The following KAZN variants were observed in gnomAD, a reference collection of about 807,000 sequenced individuals.
KAZN encodes kazrin, periplakin interacting protein, also known as kazrin.
KAZN carries 40 observed loss-of-function variants against 87.4 expected under a neutral mutation model. The observed-to-expected ratio is 0.46, with a 90% CI of 0.36 to 0.60. The LOEUF (loss-of-function observed/expected upper bound fraction) is 0.60. KAZN is among the 20% of genes least tolerant of loss of function. The pLI is 0.00. For synonymous variants in KAZN, 466 were observed against 458.3 expected (o/e 1.02, Z -0.22); for missense variants, 898 against 1,073.9 (o/e 0.84, Z 2.29).
chr1:14,231,955 A>G (rs1447510879), intron 2 of KAZN, among the ~76,000 whole-genome samples: 1 of 152,060 alleles, frequency 6.6e-6, no homozygotes, highest in Non-Finnish European at 1.5e-5. Flanking sequence ...AGCTTAAGGG[A>G]AGGGTCTGGG....
intron 1 of KAZN, among the ~76,000 whole-genome samples, chr1:14,013,320 G>A (rs564481621): frequency 9.2e-5 from 14 of 152,262 alleles, no homozygotes; most frequent in African/African-American, 3.1e-4. Flanking sequence ...GTTGTTCCTC[G>A]ATCTAGGTTT....
rs891065203 is a variant in KAZN, at chr1:14,570,090, G to A, written c.250-28893G>A. Among the ~76,000 whole-genome samples the A allele has an allele frequency of 7.2e-5, 11 of 152,168 alleles. No individual in the cohort carries two copies. The East Asian group carries it at 1.7e-3, about 24-fold the overall frequency. On this transcript the variant is annotated intron_variant, in intron 2 of 16. Coordinates refer to the KAZN transcript ENST00000636203. The stretch of plus-strand genomic sequence containing the variant: ...ACTGCACCACGGCACTCCAGCCTGG[G>A]TGACAGAGCGAGACTCCGTCTCAAA...
chr1:14,373,493 G>A (rs1244824753), intron 2 of KAZN, among the ~76,000 whole-genome samples: 1 of 152,098 alleles, frequency 6.6e-6, no homozygotes, highest in Non-Finnish European at 1.5e-5. Context: ...CTCACTTTGG[G>A]AAGGGCAAAC....
intron 1 of KAZN, among the ~76,000 whole-genome samples, chr1:14,792,974 C>CA (rs1338876410): frequency 0.28 from 30,180 of 108,712 alleles, 4,025 homozygotes; most frequent in Middle Eastern, 0.32. Flanking sequence ...GACTCTGTCT[C>CA]AAAAAAAAAA....
At chr1:15,102,871 C>T (rs1202674808) in intron 11 of KAZN, among the ~76,000 whole-genome samples, 2 of 152,216 alleles carry the variant, frequency 1.3e-5, no homozygotes, top group African/African-American at 2.4e-5. Flanking sequence ...CCCCATGCCA[C>T]GCCGAGGACA....
intron 1 of KAZN, among the ~76,000 whole-genome samples, chr1:13,926,606 AT>A (rs75315918): frequency 0.12 from 18,604 of 151,992 alleles, 1,289 homozygotes; most frequent in East Asian, 0.23. Context: ...ATGAGTAAAA[AT>A]AACCAGGCAA....
At chr1:14,498,119 T>A (rs551567383) in intron 2 of KAZN, among the ~76,000 whole-genome samples, 5 of 152,242 alleles carry the variant, frequency 3.3e-5, no homozygotes, top group Non-Finnish European at 7.3e-5. Flanking sequence ...TGCTCACTGA[T>A]CCCTTCTCCA....
At chr1:14,328,521 G>C (rs1188418318) in intron 2 of KAZN, among the ~76,000 whole-genome samples, 1 of 152,016 alleles carries the variant, frequency 6.6e-6, no homozygotes, top group African/African-American at 2.4e-5. Context: ...GGCTAACACA[G>C]TGAAACCCTG....
At chr1:14,499,451 A>C (rs1670121700) in intron 2 of KAZN, among the ~76,000 whole-genome samples, 1 of 152,142 alleles carries the variant, frequency 6.6e-6, no homozygotes, top group African/African-American at 2.4e-5. Flanking sequence ...ATCCCGTGAC[A>C]ATTGCTGTCC....
intron 1 of KAZN, among the ~76,000 whole-genome samples, chr1:14,110,211 C>T (rs149319185): frequency 1.0e-3 from 158 of 152,288 alleles, no homozygotes; most frequent in African/African-American, 3.0e-3. Context: ...CTGGATGTTC[C>T]GTTTCCTTCA....
chr1:14,320,551 A>G (rs1319436959), intron 2 of KAZN, among the ~76,000 whole-genome samples: 1 of 152,058 alleles, frequency 6.6e-6, no homozygotes, highest in African/African-American at 2.4e-5. Flanking sequence ...TACCCTGTGA[A>G]TTCTGAGACC....
chr1:14,050,641 G>A (rs1054783181), intron 1 of KAZN, among the ~76,000 whole-genome samples: 1 of 152,182 alleles, frequency 6.6e-6, no homozygotes, highest in African/African-American at 2.4e-5. Context: ...GACATGTGGG[G>A]ATTACAATTC....
chr1:14,277,556 C>T (rs796920250), intron 2 of KAZN, among the ~76,000 whole-genome samples: 4 of 151,340 alleles, frequency 2.6e-5, no homozygotes, highest in Admixed American at 1.3e-4. Flanking sequence ...CCCAGCTACT[C>T]GGGAGGCTGA....
intron 2 of KAZN, among the ~76,000 whole-genome samples, chr1:14,389,948 G>C (rs1662274869): frequency 6.6e-6 from 1 of 152,128 alleles, no homozygotes; most frequent in African/African-American, 2.4e-5. Flanking sequence ...TTGCATGCCT[G>C]TATCAAAATA....
chr1:14,805,954 T>C (rs1557509393), intron 1 of KAZN, among the ~76,000 whole-genome samples: 1 of 152,132 alleles, frequency 6.6e-6, no homozygotes, highest in Non-Finnish European at 1.5e-5. Flanking sequence ...AAAGAACAAC[T>C]AGCCTTAATG....
At chr1:15,083,615 C>T (rs1012345622) in intron 8 of KAZN, among the ~76,000 whole-genome samples, 4 of 152,066 alleles carry the variant, frequency 2.6e-5, no homozygotes, top group African/African-American at 4.8e-5. Context: ...ATGTGAACAT[C>T]GGCCTGTCTT....
chr1:14,532,674 G>A (rs902398206), intron 2 of KAZN, among the ~76,000 whole-genome samples: 2 of 130,334 alleles, frequency 1.5e-5, no homozygotes, highest in Admixed American at 9.9e-5. Context: ...CTGTGTCCAT[G>A]TGTTCTCATT....
intron 2 of KAZN, among the ~76,000 whole-genome samples, chr1:14,322,097 A>G (rs16853946): frequency 0.089 from 13,513 of 152,118 alleles, 761 homozygotes; most frequent in East Asian, 0.23. Context: ...GCTTAATCCT[A>G]ACAAACTTGG....
At chr1:15,071,236 T>G (rs995856388) in intron 8 of KAZN, among the ~76,000 whole-genome samples, 2 of 152,056 alleles carry the variant, frequency 1.3e-5, no homozygotes, top group African/African-American at 2.4e-5. Context: ...GATATGGATA[T>G]TTCTCTTTTT....
Sources: allele counts gnomAD v4.1 joint callset (sites outside exome capture counted in the v4.1 genomes callset), GRCh38; gene constraint gnomAD v4.1.1; transcripts MANE v1.5; gene names NCBI Gene and HGNC (gene_info 2026-07-23, HGNC 2026-07-21).